The following TSNARE1 variants were observed in gnomAD, a reference collection of about 807,000 sequenced individuals.
TSNARE1 encodes the protein t-SNARE domain containing 1.
In TSNARE1, 49 loss-of-function variants were observed where a neutral mutation model predicts 62.0. The ratio of observed to expected loss-of-function variants is 0.79; its 90% CI spans 0.63 to 1.00. TSNARE1 has a LOEUF of 1.00. Ranked by LOEUF, TSNARE1 falls within the 50% of genes least tolerant of loss-of-function variation. The pLI is 0.00. For synonymous variants in TSNARE1, 328 were observed against 294.4 expected, an observed-to-expected ratio of 1.11 and a Z score of -1.17; for missense variants, 755 against 700.1, an observed-to-expected ratio of 1.08 and a Z score of -0.88.
intron 12 of TSNARE1, chr8:142,272,826 C>T (rs931859986): frequency 2.2e-5 from 22 of 983,200 alleles, no homozygotes; most frequent in African/African-American, 5.3e-5. Flanking sequence ...CCCTCGCAGG[C>T]GGGAACAGGA....
At position 142,299,714 on chromosome 8, in the gene TSNARE1, A is replaced by T. The variant is rs145150400; in HGVS notation, c.1290+772T>A. On this transcript the variant is annotated intron_variant, in intron 10 of 13. Transcript: ENST00000524325. ...CGCATGCACACACACGCACTCACGC[A>T]CGCACTCACATGCACGCACACACGT... Among the ~76,000 whole-genome samples the T allele has an allele frequency of 5.3e-4, 80 of 152,170 alleles. 1 individual carries two copies. The East Asian group carries it at 0.014, about 27-fold the overall frequency.
At chr8:142,259,539 GAGA>G (rs1375285990) in intron 12 of TSNARE1, among the ~76,000 whole-genome samples, 1 of 152,208 alleles carries the variant, frequency 6.6e-6, no homozygotes, top group African/African-American at 2.4e-5. Context: ...TCACGAAAAT[GAGA>G]TTCTCCAGTG....
At chr8:142,288,006 A>T (rs957545186) in intron 10 of TSNARE1, among the ~76,000 whole-genome samples, 5 of 152,200 alleles carry the variant, frequency 3.3e-5, no homozygotes, top group African/African-American at 1.2e-4. Flanking sequence ...GATGGGCCTT[A>T]CGTGTGTGCA....
rs1262114696 is a variant in TSNARE1 at position 142,291,677 on chromosome 8, C to T, written c.1291-7192G>A. ...CCTCCGCGGGCTTACGCTCGAGTGGCGAGAGATGAATCCTAACGAGAACCC... is the reference window on the plus strand; with the variant it reads ...CCTCCGCGGGCTTACGCTCGAGTGGTGAGAGATGAATCCTAACGAGAACCC... On this transcript the variant is annotated intron_variant, in intron 10 of 13. Transcript: ENST00000524325. The surrounding 1 kb of genome is among the most constrained non-coding windows in gnomAD (Gnocchi z 4.8). 1.3e-5 allele frequency among the ~76,000 whole-genome samples: 2 copies of T among 152,158 alleles called. No individual in the cohort carries two copies. The highest frequency in any genetic ancestry group is 1.9e-4 in the East Asian group (1 of 5,164).
chr8:142,371,202 T>C (rs1050459615), intron 1 of TSNARE1, among the ~76,000 whole-genome samples: 52 of 152,228 alleles, frequency 3.4e-4, no homozygotes, highest in Admixed American at 1.4e-3. Flanking sequence ...ATTGAACTGA[T>C]AGTTAAAAAC....
At chr8:142,367,235 T>C (rs1035269811) in intron 1 of TSNARE1, among the ~76,000 whole-genome samples, 1 of 152,196 alleles carries the variant, frequency 6.6e-6, no homozygotes, top group Non-Finnish European at 1.5e-5. Context: ...GCTGGACAAG[T>C]TGGCAGACAG....
chr8:142,323,913 G>C (rs886723120), intron 6 of TSNARE1, among the ~76,000 whole-genome samples: 10 of 152,198 alleles, frequency 6.6e-5, no homozygotes, highest in African/African-American at 2.4e-4. Flanking sequence ...TCCAGTGCAG[G>C]GAGATGGATG....
rs374263876 is a variant in TSNARE1 at position 142,344,322 on chromosome 8, G to A, written c.389C>T (p.Pro130Leu). ...RAKKRKPNFC[P>L]QETEVLVSKV... ...GGACACCAGCACCTCGGTCTCCTGC[G>A]GGCAGAAGTTGGGCTTCCTCTTCTT... Residue 130 changes from proline to leucine, a missense_variant, in exon 4 of 14, where the codon CCG becomes CTG. Coordinates refer to ENST00000524325, the MANE Select transcript of TSNARE1 (RefSeq NM_145003.5). 4.3e-5 allele frequency: 69 copies of A among 1,588,058 alleles called. No homozygotes were observed. Among genetic ancestry groups the A allele is most frequent in the South Asian group, 7.9e-5 (7 of 88,308 alleles).
rs1366802022 is a variant in TSNARE1 at position 142,222,584 on chromosome 8, TCACTCACTCATTCATC to T, written c.*11+6873_*11+6888del. Among the ~76,000 whole-genome samples, 14 of 130,396 alleles carry T rather than the reference TCACTCACTCATTCATC, an allele frequency of 1.1e-4. 2 individuals carry two copies. The East Asian group carries it at 1.4e-3, about 13-fold the overall frequency. 85.5% of individuals were successfully genotyped at this position (130,396 alleles called of 152,430 possible). A position where few individuals can be genotyped will look rare whatever the true frequency, so the allele number is the denominator to read the frequency against. ...CTCATTCACTCACTCAGCCACTCAT[TCACTCACTCATTCATC>T]CACTCACTCATTCATCCACTCACTC... On this transcript the variant is annotated intron_variant, in intron 13 of 13. Transcript: ENST00000524325.
Position 142,331,716 on chromosome 8 carries a change from T to C in TSNARE1, c.823+38A>G, listed in dbSNP as rs758711447. The C allele has an allele frequency of 3.2e-6, 5 of 1,560,364 alleles. No homozygotes were observed. In the East Asian group the frequency reaches 1.2e-4, roughly 37 times the overall value. On this transcript the variant is annotated intron_variant, in intron 5 of 13. Transcript: ENST00000524325. ...TGTCGCATCAGTGGTCCAGGGTGCCTGGATGGAGGGGCAGGCCCAGGCCAG... is the reference window on the plus strand; with the variant it reads ...TGTCGCATCAGTGGTCCAGGGTGCCCGGATGGAGGGGCAGGCCCAGGCCAG...
At chr8:142,260,961 G>T (rs1818827276) in intron 12 of TSNARE1, among the ~76,000 whole-genome samples, 1 of 89,488 alleles carries the variant, frequency 1.1e-5, no homozygotes, top group Non-Finnish European at 2.3e-5. Context: ...AGAGGACAAA[G>T]CAGTCAGGGA....
At chr8:142,242,947 C>CAAAAAAAAAAA (rs35092120) in intron 12 of TSNARE1, among the ~76,000 whole-genome samples, 1 of 51,390 alleles carries the variant, frequency 1.9e-5, no homozygotes, top group Non-Finnish European at 3.5e-5. Flanking sequence ...AACTCTGTCT[C>CAAAAAAAAAAA]AAAAAAAAAA....
chr8:142,385,539 A>T (rs1837055461), intron 1 of TSNARE1, among the ~76,000 whole-genome samples: 1 of 152,206 alleles, frequency 6.6e-6, no homozygotes, highest in Non-Finnish European at 1.5e-5. Flanking sequence ...TCAACTGATG[A>T]CACCTGGGAG....
chr8:142,403,585 G>A (rs904182510), upstream of TSNARE1: 1 of 152,230 alleles, frequency 6.6e-6, no homozygotes, highest in Non-Finnish European at 1.5e-5. Flanking sequence ...CCGGGCACCT[G>A]CGCGTCTCGC....
At chr8:142,222,355 C>G (rs200104918) in intron 13 of TSNARE1, among the ~76,000 whole-genome samples, 1,342 of 28,940 alleles carry the variant, frequency 0.046, 523 homozygotes, top group Admixed American at 0.054. Flanking sequence ...CACTCACTCA[C>G]TCACTCATCC....
At chr8:142,223,301 C>CTCATTCACTCACTCAT (rs758974988) in intron 13 of TSNARE1, among the ~76,000 whole-genome samples, 1 of 17,176 alleles carries the variant, frequency 5.8e-5, no homozygotes, top group South Asian at 2.2e-3. Context: ...CACTCAACCA[C>CTCATTCACTCACTCAT]TCACTCATTC....
At chr8:142,212,791 C>A (rs1400904003) in intron 13 of TSNARE1, among the ~76,000 whole-genome samples, 1 of 78,588 alleles carries the variant, frequency 1.3e-5, no homozygotes, top group African/African-American at 5.6e-5. Flanking sequence ...CCCTCCTCCT[C>A]CTTCTCTCCA....
rs1326402400 is a variant in TSNARE1 at position 142,302,209 on chromosome 8, CCT to C, written c.1132-1567_1132-1566del. ...GGAGCAGACCCATGGCGCCCTCAGCCCTGCCCCCAGATCCAGCTTCCCCTCAG... is the reference window on the plus strand; with the variant it reads ...GGAGCAGACCCATGGCGCCCTCAGCCGCCCCCAGATCCAGCTTCCCCTCAG... On this transcript the variant is annotated intron_variant, in intron 9 of 13. Coordinates refer to ENST00000524325, the MANE Select transcript of TSNARE1 (RefSeq NM_145003.5). Among the ~76,000 whole-genome samples, 1,043 of 152,230 alleles carry C rather than the reference CCT, an allele frequency of 6.9e-3. 10 individuals carry two copies. Among genetic ancestry groups the C allele is most frequent in the African/African-American group, 0.023 (966 of 41,526 alleles).
chr8:142,322,573 C>T (rs914116786), intron 6 of TSNARE1, among the ~76,000 whole-genome samples: 1 of 152,216 alleles, frequency 6.6e-6, no homozygotes, highest in Non-Finnish European at 1.5e-5. Context: ...ATGCAGGTCA[C>T]AGGATACAAG....
Sources: allele counts gnomAD v4.1 joint callset (sites outside exome capture counted in the v4.1 genomes callset), GRCh38; gene constraint gnomAD v4.1.1; non-coding constraint Gnocchi (gnomAD v3.1); transcripts MANE v1.5; gene names NCBI Gene and HGNC (gene_info 2026-07-23, HGNC 2026-07-21).